The following KRT73 variants were observed in gnomAD, a reference collection of about 807,000 sequenced individuals.
KRT73 encodes keratin 73.
In KRT73, 44 loss-of-function variants were observed where a neutral mutation model predicts 47.2. That is an observed-to-expected ratio of 0.93 (90% CI 0.73 to 1.20). The LOEUF (loss-of-function observed/expected upper bound fraction) is 1.20. KRT73 is among the 50% of genes most tolerant of loss of function. KRT73 has a pLI of 0.00. For synonymous variants in KRT73, 285 were observed against 291.3 expected, an observed-to-expected ratio of 0.98 and a Z score of 0.22; for missense variants, 713 against 704.5, an observed-to-expected ratio of 1.01 and a Z score of -0.14.
chr12:52,613,969 T>C, intron 4 of KRT73, 117 bp from the exon 5 acceptor site: 1 of 1,446,114 alleles, frequency 6.9e-7, no homozygotes. Context: ...GAAGCTGCAC[T>C]TCCCAAAGCT....
intron 7 of KRT73, chr12:52,610,400 A>G: frequency 3.4e-6 from 2 of 584,714 alleles, no homozygotes; most frequent in East Asian, 3.0e-5. Context: ...TAAAGACACA[A>G]CAGCACCCAG....
Position 52,616,287 on chromosome 12 carries a change from G to T in KRT73, c.541C>A (p.Pro181Thr). 6.2e-7 allele frequency: 1 copy of T among 1,614,162 alleles called. No homozygotes were observed. The highest frequency in any genetic ancestry group is 2.2e-5 in the East Asian group (1 of 44,872). The change falls in exon 2 of 9, where the codon CCC becomes ACC. Residue 181 changes from proline to threonine, a missense_variant. Transcript: ENST00000305748. ...DLNNCKNNLEPILEGYISNLR... is the reference protein window; with the variant it reads ...DLNNCKNNLETILEGYISNLR... ...TTGCTGATGTAGCCCTCAAGGATGG[G>T]CTCCAGGTTATTCTTGCAGTTGTTC...
chr12:52,621,454 TAAG>T (rs1414023794), upstream of KRT73, among the ~76,000 whole-genome samples: 2 of 152,090 alleles, frequency 1.3e-5, no homozygotes, highest in Non-Finnish European at 2.9e-5. Context: ...TTCACAAACA[TAAG>T]AAGACTCTGA....
intron 6 of KRT73, 147 bp downstream of exon 6, chr12:52,611,057 G>A (rs1940690241): frequency 2.8e-6 from 3 of 1,084,118 alleles, no homozygotes; most frequent in East Asian, 4.8e-5. Flanking sequence ...AACTTCAGAT[G>A]GGAGCTAAGG....
At position 52,609,246 on chromosome 12, in the gene KRT73, C is replaced by T. The variant is rs1940645151; in HGVS notation, c.1366+1G>A. 6 of 1,613,554 alleles carry T rather than the reference C, an allele frequency of 3.7e-6. No individual in the cohort carries two copies. In the East Asian group the frequency reaches 1.3e-4, roughly 36 times the overall value. ...TTCCCTCAGAGTCATGAAATACTCA[C>T]AAATGCTCACGGAGTTGGTATATTC... On this transcript the variant is annotated splice_donor_variant, in intron 8 of 8. Transcript: ENST00000305748. LOFTEE classifies it high-confidence loss of function.
Position 52,615,339 on chromosome 12 carries a change from C to A in KRT73, c.663G>T (p.Arg221Ser). The A allele has an allele frequency of 6.2e-7, 1 of 1,613,706 alleles. No individual in the cohort carries two copies. Among genetic ancestry groups the A allele is most frequent in the East Asian group, 2.2e-5 (1 of 44,886 alleles). Residue 221 changes from arginine to serine, a missense_variant and splice_region_variant, in exon 3 of 9, where the codon AGG becomes AGT. Coordinates refer to ENST00000305748, the MANE Select transcript of KRT73 (RefSeq NM_175068.3). ...TGCGCTTGTTTATTTCTTCTTCATA[C>A]CTGCAGGGAAAGCATCACAGGAAGC... ...VREVVEDYKK[R>S]YEEEINKRTT... is the part of the protein sequence containing the mutation.
In KRT73 at chr12:52,608,347, T is replaced by C. The variant is rs769257649; in HGVS notation, c.1472A>G (p.Tyr491Cys). 5.6e-6 allele frequency: 9 copies of C among 1,613,802 alleles called. No individual in the cohort carries two copies. Residue 491 changes from tyrosine to cysteine, a missense_variant, in exon 9 of 9, where the codon TAC becomes TGC. Transcript: ENST00000305748. The stretch of plus-strand genomic sequence containing the variant: ...GACACAGCCCCCAGGCAGCATGCTG[T>C]AGCCCCCGCTGACAGAGCTGGGCCA... ...GYWPSSVSGG[Y>C]SMLPGGCVTG...
At chr12:52,615,254 A>G (rs1156929072) in intron 3 of KRT73, 25 bp downstream of exon 3, 1 of 1,606,282 alleles carries the variant, frequency 6.2e-7, no homozygotes, top group African/African-American at 1.3e-5. Context: ...TGGGGGACTG[A>G]AGGGAACCCA....
chr12:52,626,704 T>A, the KRT73 span, among the ~76,000 whole-genome samples: 7 of 152,204 alleles, frequency 4.6e-5, no homozygotes, highest in African/African-American at 7.2e-5. Flanking sequence ...GGCTCAGCTA[T>A]GCTCTGCCTG....
chr12:52,624,037 A>G, the KRT73 span, among the ~76,000 whole-genome samples: 3 of 152,078 alleles, frequency 2.0e-5, no homozygotes, highest in African/African-American at 4.8e-5. Context: ...TTGGCGGAGT[A>G]TATTTTAAAA....
At position 52,613,730 on chromosome 12, in the gene KRT73, G is replaced by T. The variant is rs1284665761; in HGVS notation, c.942C>A (p.Ala314=). ...CCTCGGCCTCGGCCTTGCTCTTCCG[G>T]GCGATCTCCTCATACTGGGCACGGA... The part of the protein sequence containing the change: ...AEVRAQYEEI[A]RKSKAEAEAL... Residue 314 remains alanine (A), a synonymous_variant, in exon 5 of 9, where the codon GCC becomes GCA. Coordinates refer to ENST00000305748, the MANE Select transcript of KRT73 (RefSeq NM_175068.3). 2 of 1,614,080 alleles carry T rather than the reference G, an allele frequency of 1.2e-6. No individual in the cohort carries two copies. The highest frequency in any genetic ancestry group is 1.7e-6 in the Non-Finnish European group (2 of 1,180,042).
chr12:52,618,443 T>C lies in KRT73; in HGVS notation c.82A>G (p.Ser28Gly), dbSNP rs1371889568. The change falls in exon 1 of 9, where the codon AGC (serine) becomes GGC (glycine). Residue 28 changes from serine (S) to glycine (G), a missense_variant. Physicochemically the swap from Ser to Gly is moderately conservative, Grantham distance 56 (BLOSUM62 0). Coordinates refer to ENST00000305748, the MANE Select transcript of KRT73 (RefSeq NM_175068.3). Reference sequence around the variant, plus strand: ...CCCCCTGCTCGGTAGGAGGATGAGCTGCCCCCTGAGAGCACAGCGGAGCAG... The same window carrying C: ...CCCCCTGCTCGGTAGGAGGATGAGCCGCCCCCTGAGAGCACAGCGGAGCAG... Reference protein sequence around the residue: ...SGCSAVLSGGSSSSYRAGGKG... With the variant: ...SGCSAVLSGGGSSSYRAGGKG... 1 of 1,613,900 alleles carries C rather than the reference T, an allele frequency of 6.2e-7. No homozygotes were observed. Among genetic ancestry groups the C allele is most frequent in the African/African-American group, 1.3e-5 (1 of 74,932 alleles).
intron 5 of KRT73, chr12:52,612,241 T>G (rs1207626083): frequency 6.6e-6 from 1 of 152,204 alleles, no homozygotes; most frequent in Non-Finnish European, 1.5e-5. Context: ...GTGTGCATGA[T>G]GGGGGTGGAT....
chr12:52,630,581 A>G, the KRT73 span, among the ~76,000 whole-genome samples: 1 of 151,630 alleles, frequency 6.6e-6, no homozygotes, highest in Non-Finnish European at 1.5e-5. Context: ...CCTCTTTCCC[A>G]CCCTTATTGT....
At chr12:52,613,544 TC>T in intron 5 of KRT73, 143 bp downstream of exon 5, 1 of 1,451,884 alleles carries the variant, frequency 6.9e-7, no homozygotes, top group Non-Finnish European at 9.1e-7. Context: ...TGTCTTCTCC[TC>T]CCCTTTGGCT....
In KRT73 at chr12:52,610,786, C is replaced by A. The variant is rs1940683527; in HGVS notation, c.1160G>T (p.Cys387Phe). Residue 387 changes from cysteine (C) to phenylalanine (F), a missense_variant, in exon 7 of 9, where the codon TGT (cysteine) becomes TTT (phenylalanine). By Grantham distance (205) the Cys-to-Phe change is radical. Transcript: ENST00000305748. ...CTTGGCCCTGGCATCCTTGAGGGCA[C>A]AGTCCCCCCGCTGCTCGGCGTCAGC... ...AIADAEQRGDCALKDARAKLD... is the reference protein window; with the variant it reads ...AIADAEQRGDFALKDARAKLD... The A allele has an allele frequency of 6.2e-7, 1 of 1,613,490 alleles. No homozygotes were observed. The highest frequency in any genetic ancestry group is 8.5e-7 in the Non-Finnish European group (1 of 1,180,000).
chr12:52,610,593 C>A, intron 7 of KRT73, 22 bp downstream of exon 7: 1 of 1,334,588 alleles, frequency 7.5e-7, no homozygotes, highest in Non-Finnish European at 9.8e-7. Context: ...GCAGTTTCTT[C>A]CAGTCCCTCG....
chr12:52,610,994 G>T (rs1940689350), intron 6 of KRT73, 159 bp from the exon 7 acceptor site: 1 of 883,682 alleles, frequency 1.1e-6, no homozygotes, highest in Non-Finnish European at 1.7e-6. Flanking sequence ...GAGACTGAGA[G>T]GCTTGCTACG....
Position 52,608,055 on chromosome 12 carries a change from T to G in KRT73, c.*141A>C. On this transcript the variant is annotated 3_prime_UTR_variant, in exon 9 of 9. Coordinates refer to ENST00000305748, the MANE Select transcript of KRT73 (RefSeq NM_175068.3). ...ATTAACAAAGACTGAGGCAGAGAGG[T>G]CAAGGAGAAGGAGGAGAGGTCCACA... 2.4e-6 allele frequency: 2 copies of G among 847,786 alleles called. No homozygotes were observed. The highest frequency in any genetic ancestry group is 1.9e-5 in the South Asian group (1 of 52,480). 52.5% of individuals were successfully genotyped at this position (847,786 alleles called of 1,614,324 possible).
Sources: allele counts gnomAD v4.1 joint callset (sites outside exome capture counted in the v4.1 genomes callset), GRCh38; gene constraint gnomAD v4.1.1; transcripts MANE v1.5; gene names NCBI Gene and HGNC (gene_info 2026-07-23, HGNC 2026-07-21).